PCDHA1: variants seen among roughly 807,000 people sequenced by gnomAD.
The protein encoded by PCDHA1 is protocadherin alpha 1, also known as protocadherin alpha-1.
In PCDHA1, 42 loss-of-function variants were observed where a neutral mutation model predicts 61.3. The ratio of observed to expected loss-of-function variants is 0.69; its 90% CI spans 0.54 to 0.89. The LOEUF is 0.89. Among genes scored for constraint, PCDHA1 ranks in the 40% least tolerant of loss-of-function variants. PCDHA1 has a pLI of 0.00. For synonymous variants in PCDHA1, 610 were observed against 553.8 expected, an observed-to-expected ratio of 1.10 and a Z score of -1.43; for missense variants, 1,256 against 1,235.3, an observed-to-expected ratio of 1.02 and a Z score of -0.25.
At chr5:140,986,085 TCA>T (rs1395722991) in intron 3 of PCDHA1, among the ~76,000 whole-genome samples, 1 of 152,182 alleles carries the variant, frequency 6.6e-6, no homozygotes, top group Non-Finnish European at 1.5e-5. Context: ...TCATTTATTT[TCA>T]CAGTCTGCAA....
chr5:140,811,691 T>A (rs1554125796), intron 1 of PCDHA1: 1 of 152,228 alleles, frequency 6.6e-6, no homozygotes, highest in East Asian at 1.9e-4. Context: ...TGATTGCCAT[T>A]CTAACTGGTG....
intron 1 of PCDHA1, among the ~76,000 whole-genome samples, chr5:140,914,030 G>A (rs2076568173): frequency 1.3e-5 from 2 of 152,180 alleles, no homozygotes; most frequent in South Asian, 4.1e-4. Flanking sequence ...CACGTGCTGA[G>A]AAGAATGTGT....
chr5:140,998,005 C>T (rs539275150), intron 3 of PCDHA1, among the ~76,000 whole-genome samples: 300 of 152,282 alleles, frequency 2.0e-3, no homozygotes, highest in Non-Finnish European at 3.8e-3. Context: ...TCTGAGCCTT[C>T]CATCCCCACC....
chr5:140,902,599 G>A (rs981296505), intron 1 of PCDHA1, among the ~76,000 whole-genome samples: 14 of 152,024 alleles, frequency 9.2e-5, no homozygotes, highest in Admixed American at 3.3e-4. Flanking sequence ...GAAACAGGTC[G>A]TTTTCAGTTA....
chr5:140,896,485 C>T (rs1259028670), intron 1 of PCDHA1, among the ~76,000 whole-genome samples: 1 of 152,032 alleles, frequency 6.6e-6, no homozygotes, highest in African/African-American at 2.4e-5. Flanking sequence ...GCCTCAGCCT[C>T]CTGAGTAGCT....
intron 1 of PCDHA1, among the ~76,000 whole-genome samples, chr5:140,961,519 A>G (rs246002): frequency 0.56 from 85,694 of 152,068 alleles, 24,757 homozygotes; most frequent in African/African-American, 0.69. Flanking sequence ...ATGTCTCCAC[A>G]AATTCTAGAT....
intron 3 of PCDHA1, among the ~76,000 whole-genome samples, chr5:141,001,011 A>G (rs912284389): frequency 3.9e-5 from 6 of 152,206 alleles, no homozygotes; most frequent in African/African-American, 1.4e-4. Context: ...ATGTATTTAG[A>G]TATACACTTA....
intron 1 of PCDHA1, among the ~76,000 whole-genome samples, chr5:140,963,912 A>C (rs2095797972): frequency 6.6e-6 from 1 of 152,246 alleles, no homozygotes. Flanking sequence ...AGTGAAGCTT[A>C]GGCTAAGTAA....
intron 1 of PCDHA1, among the ~76,000 whole-genome samples, chr5:140,942,273 G>C (rs1360564646): frequency 6.6e-6 from 1 of 152,132 alleles, no homozygotes; most frequent in South Asian, 2.1e-4. Context: ...AGCTGGTAAT[G>C]GTGGCTCATG....
chr5:140,858,297 A>G, intron 1 of PCDHA1: 2 of 1,597,406 alleles, frequency 1.3e-6, no homozygotes, highest in Non-Finnish European at 1.7e-6. Flanking sequence ...TCTTACTCGC[A>G]GCAGAGGCGG....
intron 3 of PCDHA1, among the ~76,000 whole-genome samples, chr5:141,004,826 G>A (rs2098183640): frequency 6.6e-6 from 1 of 152,112 alleles, no homozygotes; most frequent in East Asian, 1.9e-4. Flanking sequence ...GATTAACTTA[G>A]ATAGATCAAA....
intron 1 of PCDHA1, chr5:140,875,535 T>C (rs1554167741): frequency 3.1e-6 from 5 of 1,614,134 alleles, no homozygotes; most frequent in Admixed American, 3.3e-5. Context: ...TTCTGCTCCT[T>C]GCAGCCTGGG....
chr5:140,954,992 G>A (rs1017301016), intron 1 of PCDHA1, among the ~76,000 whole-genome samples: 1 of 152,094 alleles, frequency 6.6e-6, no homozygotes, highest in Non-Finnish European at 1.5e-5. Flanking sequence ...TTCTGCATAT[G>A]GCTAGCCAAT....
intron 1 of PCDHA1, chr5:140,830,402 G>A: frequency 6.2e-7 from 1 of 1,614,186 alleles, no homozygotes; most frequent in Non-Finnish European, 8.5e-7. Flanking sequence ...GGATCTCATG[G>A]CCTTTAGCCC....
At chr5:140,870,318 G>C in intron 1 of PCDHA1, 1 of 1,614,178 alleles carries the variant, frequency 6.2e-7, no homozygotes, top group Non-Finnish European at 8.5e-7. Flanking sequence ...ATTACTACTC[G>C]TTGGTGCTGG....
At chr5:140,995,352 C>T (rs976879377) in intron 3 of PCDHA1, among the ~76,000 whole-genome samples, 2 of 152,006 alleles carry the variant, frequency 1.3e-5, no homozygotes, top group Non-Finnish European at 2.9e-5. Context: ...ATGGATAGGT[C>T]GGACAGAGGG....
intron 1 of PCDHA1, chr5:140,843,313 G>C (rs1554139942): frequency 8.8e-6 from 14 of 1,596,074 alleles, no homozygotes; most frequent in Non-Finnish European, 1.1e-5. Flanking sequence ...CCACGGCCAC[G>C]GTTCTGGTGT....
chr5:140,884,358 A>G lies in PCDHA1; in HGVS notation c.2395-94591A>G, dbSNP rs546242835. On this transcript the variant is annotated intron_variant, in intron 1 of 3. Coordinates refer to ENST00000504120, the MANE Select transcript of PCDHA1 (RefSeq NM_018900.4). Reference sequence around the variant, plus strand: ...CCAGAAGCGGCGCTGGTGGATGTCAATGTTTACTTGATCATTGCCATCTGC... The same window carrying G: ...CCAGAAGCGGCGCTGGTGGATGTCAGTGTTTACTTGATCATTGCCATCTGC... The G allele has an allele frequency of 7.8e-5, 126 of 1,613,886 alleles. 3 individuals carry two copies. The South Asian group carries it at 1.1e-3, about 14-fold the overall frequency.
chr5:140,815,529 G>A (rs1554126806), intron 1 of PCDHA1: 1 of 89,522 alleles, frequency 1.1e-5, no homozygotes. Context: ...TTTATATTGT[G>A]TATACATTAT....
Sources: gnomAD v4.1 joint callset for allele counts (sites outside exome capture counted in the v4.1 genomes callset) on GRCh38, gnomAD v4.1.1 for gene constraint, MANE v1.5 for transcripts, NCBI Gene and HGNC (gene_info 2026-07-23, HGNC 2026-07-21) for gene names.